PHF21B: variants seen among roughly 807,000 people sequenced by gnomAD.
PHF21B encodes the protein PHD finger protein 21B.
In PHF21B, 22 loss-of-function variants were observed where a neutral mutation model predicts 62.2. The observed-to-expected ratio is 0.35, with a 90% CI of 0.25 to 0.51. The LOEUF (loss-of-function observed/expected upper bound fraction) is 0.51. Among genes scored for constraint, PHF21B ranks in the 20% least tolerant of loss-of-function variants. The pLI, the probability that PHF21B is intolerant of heterozygous loss-of-function variation, is 0.97. For missense variants in PHF21B, 701 were observed against 707.9 expected, an observed-to-expected ratio of 0.99 and a Z score of 0.11; for synonymous variants, 341 against 314.7, an observed-to-expected ratio of 1.08 and a Z score of -0.88.
chr22:44,947,792 T>C (rs990140882), intron 2 of PHF21B, among the ~76,000 whole-genome samples: 3 of 152,158 alleles, frequency 2.0e-5, no homozygotes, highest in Non-Finnish European at 4.4e-5. Flanking sequence ...AGCTCAGATA[T>C]GTTTCAGTTT....
At chr22:44,886,310 G>A (rs2147245486) in intron 10 of PHF21B, among the ~76,000 whole-genome samples, 1 of 147,992 alleles carries the variant, frequency 6.8e-6, no homozygotes, top group South Asian at 2.2e-4. Context: ...CTATGCTGAA[G>A]TGGGGAACAG....
At position 44,904,772 on chromosome 22, in the gene PHF21B, T is replaced by C. The variant is rs1175783503; in HGVS notation, c.832-8689A>G. ...AGCCACAGGCTGCAGAAAAAGTCAG[T>C]GGCATGCACTCCCTGAAGATCAGAA... On this transcript the variant is annotated intron_variant, in intron 5 of 12. Transcript: ENST00000313237. 1.5e-5 allele frequency among the ~76,000 whole-genome samples: 2 copies of C among 136,316 alleles called. 1 individual carries two copies. Among genetic ancestry groups the C allele is most frequent in the Non-Finnish European group, 3.1e-5 (2 of 64,144 alleles). The allele number at this position is 136,316 out of a possible 152,430, so 89.4% of individuals were successfully genotyped here.
At chr22:44,954,008 C>G (rs1275494129) in intron 2 of PHF21B, among the ~76,000 whole-genome samples, 2 of 152,206 alleles carry the variant, frequency 1.3e-5, no homozygotes, top group Non-Finnish European at 2.9e-5. Context: ...CGGGCTCTTC[C>G]TAAGGAGCCT....
intron 2 of PHF21B, among the ~76,000 whole-genome samples, chr22:44,942,603 C>T (rs1478541636): frequency 1.3e-5 from 2 of 152,150 alleles, no homozygotes; most frequent in Non-Finnish European, 2.9e-5. Context: ...GAGCAGCTGC[C>T]CCACACAGGG....
Position 45,004,893 on chromosome 22 carries a change from T to C in PHF21B, c.120+3652A>G, listed in dbSNP as rs1442593473. On this transcript the variant is annotated intron_variant, in intron 2 of 12. Transcript: ENST00000313237. The stretch of plus-strand genomic sequence containing the variant: ...TCAGCTCCACGGACTCTTGGGGTAG[T>C]GCACAAGGTCCCAAGCTCACCTCCG... Among the ~76,000 whole-genome samples the C allele has an allele frequency of 5.9e-5, 9 of 152,328 alleles. No homozygotes were observed. The South Asian group carries it at 1.7e-3, about 28-fold the overall frequency.
At chr22:44,977,757 T>C (rs1313020987) in intron 2 of PHF21B, among the ~76,000 whole-genome samples, 1 of 151,482 alleles carries the variant, frequency 6.6e-6, no homozygotes, top group Non-Finnish European at 1.5e-5. Context: ...TTTTCATTTT[T>C]TTTTTTTTTT....
At chr22:44,991,719 C>G (rs116304828) in intron 2 of PHF21B, among the ~76,000 whole-genome samples, 1 of 152,194 alleles carries the variant, frequency 6.6e-6, no homozygotes, top group Non-Finnish European at 1.5e-5. Context: ...CTGTGTCCCG[C>G]TGGCCTCCCT....
At chr22:44,938,757 C>G (rs912205290) in intron 2 of PHF21B, among the ~76,000 whole-genome samples, 8 of 152,200 alleles carry the variant, frequency 5.3e-5, no homozygotes, top group African/African-American at 1.9e-4. Context: ...AAGGTGCCAT[C>G]TCTAGGAGGA....
intron 2 of PHF21B, among the ~76,000 whole-genome samples, chr22:44,958,848 C>A (rs1313660662): frequency 6.6e-6 from 1 of 151,916 alleles, no homozygotes; most frequent in Non-Finnish European, 1.5e-5. Context: ...ACCATGTTGG[C>A]TAGGCTGGTC....
In PHF21B at chr22:44,883,270, C is replaced by T. The variant is rs201543548; in HGVS notation, c.1412G>A (p.Arg471His). 95 of 1,613,676 alleles carry T rather than the reference C, an allele frequency of 5.9e-5. No individual in the cohort carries two copies. The highest frequency in any genetic ancestry group is 5.0e-4 in the Admixed American group (30 of 59,990). Residue 471 changes from arginine (R) to histidine (H), a missense_variant, in exon 13 of 13, where the codon CGC becomes CAC. By Grantham distance (29) the Arg-to-His change is conservative (BLOSUM62 0). Coordinates refer to ENST00000313237, the MANE Select transcript of PHF21B (RefSeq NM_138415.5). ...CAGGGATGACTGGGTGCCCCTCTGGCGGGCCAGCAGGCTTGTCTTCAACTC... is the reference window on the plus strand; with the variant it reads ...CAGGGATGACTGGGTGCCCCTCTGGTGGGCCAGCAGGCTTGTCTTCAACTC... ...CLELKTSLLA[R>H]QRGTQSSLDR...
chr22:44,889,726 C>T (rs367916285), intron 9 of PHF21B, 34 bp downstream of exon 9: 27 of 1,581,472 alleles, frequency 1.7e-5, no homozygotes, highest in Middle Eastern at 1.7e-4. Flanking sequence ...TTCTCCACCC[C>T]GGAAGTGTGA....
At chr22:44,937,162 G>A (rs552863801) in intron 2 of PHF21B, among the ~76,000 whole-genome samples, 2 of 152,110 alleles carry the variant, frequency 1.3e-5, no homozygotes, top group Admixed American at 6.6e-5. Flanking sequence ...CACCGCACCC[G>A]GCTGAACATT....
chr22:44,890,177 G>A (rs1007647622), intron 8 of PHF21B, among the ~76,000 whole-genome samples: 3 of 152,174 alleles, frequency 2.0e-5, no homozygotes, highest in African/African-American at 7.2e-5. Context: ...CCTGGTCACA[G>A]CTAGGAGCCA....
In PHF21B at chr22:45,009,578, C is replaced by A; in HGVS notation, c.-29G>T. On this transcript the variant is annotated 5_prime_UTR_variant, in exon 1 of 13. Coordinates refer to ENST00000313237, the MANE Select transcript of PHF21B (RefSeq NM_138415.5). This position sits in a 1 kb window ranked among gnomAD's most constrained non-coding sequence, Gnocchi z 5.9. ...GGCAACTTGGGCAGCACTTTGCGCTCACTTTGGCCCGGGCTCCCGGGAAGT... is the reference window on the plus strand; with the variant it reads ...GGCAACTTGGGCAGCACTTTGCGCTAACTTTGGCCCGGGCTCCCGGGAAGT... The A allele has an allele frequency of 6.5e-7, 1 of 1,541,360 alleles. No individual in the cohort carries two copies.
Position 44,883,210 on chromosome 22 carries a change from C to T in PHF21B, c.1472G>A (p.Gly491Asp). Reference protein sequence around the residue: ...RLRALLRLIQGEQLLQVTMTT... With the variant: ...RLRALLRLIQDEQLLQVTMTT... ...CATGGTGACCTGGAGCAGCTGCTCG[C>T]CCTGTATCAGTCTCAGGAGGGCCCG... The change falls in exon 13 of 13, where the codon GGC (glycine) becomes GAC (aspartate). Residue 491 changes from glycine (G) to aspartate (D), a missense_variant. Transcript: ENST00000313237. 6.2e-7 allele frequency: 1 copy of T among 1,613,830 alleles called. No homozygotes were observed. Among genetic ancestry groups the T allele is most frequent in the Non-Finnish European group, 8.5e-7 (1 of 1,179,982 alleles).
At chr22:44,963,759 G>A (rs1470562629) in intron 2 of PHF21B, among the ~76,000 whole-genome samples, 1 of 152,200 alleles carries the variant, frequency 6.6e-6, no homozygotes, top group African/African-American at 2.4e-5. Flanking sequence ...GACATCTGAA[G>A]GACAAACACC....
chr22:44,966,600 C>T (rs1351118590), intron 2 of PHF21B, among the ~76,000 whole-genome samples: 2 of 152,102 alleles, frequency 1.3e-5, no homozygotes, highest in African/African-American at 4.8e-5. Context: ...CCAGAAGTCC[C>T]CCCTTCAGAG....
chr22:44,922,700 A>C (rs1373310048), intron 2 of PHF21B, among the ~76,000 whole-genome samples: 2 of 152,258 alleles, frequency 1.3e-5, no homozygotes, highest in African/African-American at 4.8e-5. Flanking sequence ...AAATTCAAAA[A>C]ATTTTAAATG....
intron 3 of PHF21B, among the ~76,000 whole-genome samples, chr22:44,918,224 AC>A (rs2071473947): frequency 6.6e-6 from 1 of 152,226 alleles, no homozygotes; most frequent in Non-Finnish European, 1.5e-5. Context: ...GCGGATGGAC[AC>A]CCATGTGGTG....
Sources: allele counts gnomAD v4.1 joint callset (sites outside exome capture counted in the v4.1 genomes callset), GRCh38; gene constraint gnomAD v4.1.1; non-coding constraint Gnocchi (gnomAD v3.1); transcripts MANE v1.5; gene names NCBI Gene and HGNC (gene_info 2026-07-23, HGNC 2026-07-21).